Variants in CCL26 observed in about 807,000 individuals in gnomAD.
CCL26 encodes the protein C-C motif chemokine ligand 26.
A neutral mutation model predicts 10.7 loss-of-function variants in CCL26; 10 were observed. That is an observed-to-expected ratio of 0.93 (90% CI 0.57 to 1.58). The LOEUF (loss-of-function observed/expected upper bound fraction) is 1.58. CCL26 is among the 40% of genes most tolerant of loss of function. The pLI is 0.00. For missense variants in CCL26, 116 were observed against 111.0 expected (o/e 1.05, Z -0.20); for synonymous variants, 43 against 41.4 (o/e 1.04, Z -0.15).
At chr7:75,774,671 C>T (rs1318283821), upstream of CCL26, among the ~76,000 whole-genome samples, 1 of 152,028 alleles carries the variant, frequency 6.6e-6, no homozygotes, top group Non-Finnish European at 1.5e-5. Flanking sequence ...GTCTCGAATT[C>T]CTGACCTCAA....
At chr7:75,770,018 C>T (rs1484351554) in intron 2 of CCL26, among the ~76,000 whole-genome samples, 1 of 151,998 alleles carries the variant, frequency 6.6e-6, no homozygotes, top group Admixed American at 6.6e-5. Flanking sequence ...TACCATTTAC[C>T]GTTTTCCACC....
chr7:75,770,233 C>T (rs929763358), intron 2 of CCL26, among the ~76,000 whole-genome samples: 6 of 151,874 alleles, frequency 4.0e-5, no homozygotes, highest in Non-Finnish European at 5.9e-5. Flanking sequence ...GCACACCCAG[C>T]GAATTTCTGT....
At chr7:75,780,936 C>G (rs1277989810) in intron 1 of CCL26, among the ~76,000 whole-genome samples, 3 of 152,176 alleles carry the variant, frequency 2.0e-5, no homozygotes, top group African/African-American at 7.2e-5. Flanking sequence ...ACCTGCCCAG[C>G]AATTTCCTCT....
chr7:75,772,239 TGA>T, upstream of CCL26: 4 of 1,178,236 alleles, frequency 3.4e-6, no homozygotes, highest in Non-Finnish European at 4.9e-6. Context: ...TCCCCTTTTA[TGA>T]GACTGAGACG....
chr7:75,771,987 G>A lies in CCL26; in HGVS notation c.90C>T (p.Ser30=). The stretch of plus-strand genomic sequence containing the variant: ...GGCTGTATTGGAAGCAGCAGGTCTT[G>A]GATATGTCACTCCCACCTAAAAATC... The part of the protein sequence containing the change: ...LGTATRGSDI[S]KTCCFQYSHK... Residue 30 remains serine, a synonymous_variant, in exon 2 of 3, where the codon TCC becomes TCT. Transcript: ENST00000005180. The A allele has an allele frequency of 6.2e-7, 1 of 1,613,768 alleles. No individual in the cohort carries two copies. Among genetic ancestry groups the A allele is most frequent in the Non-Finnish European group, 8.5e-7 (1 of 1,179,638 alleles).
upstream of CCL26, among the ~76,000 whole-genome samples, chr7:75,791,354 C>A (rs138627244): frequency 2.0e-5 from 3 of 152,132 alleles, no homozygotes; most frequent in Admixed American, 2.0e-4. Flanking sequence ...GTGTCCGAGG[C>A]CCCCTCAGTC....
upstream of CCL26, among the ~76,000 whole-genome samples, chr7:75,790,244 TCCCTCCC>T: frequency 7.7e-6 from 1 of 129,404 alleles, no homozygotes; most frequent in East Asian, 2.2e-4. Context: ...CCTTCCATCC[TCCCTCCC>T]TCCCTCCCTC....
Position 75,787,651 on chromosome 7 carries a change from C to CAAAAAAAAAAAAAAAAAAAAAAAA in CCL26, c.-79+2065_-79+2066insTTTTTTTTTTTTTTTTTTTTTTTT, listed in dbSNP as rs55770109. Reference sequence around the variant, plus strand: ...CAGAGTGAGACTCCGTCTCCAAAAGCAAAAAAAAAAAAAAAAAAAAAAAGA... The same window carrying CAAAAAAAAAAAAAAAAAAAAAAAA: ...CAGAGTGAGACTCCGTCTCCAAAAGCAAAAAAAAAAAAAAAAAAAAAAAAAAAAAAAAAAAAAAAAAAAAAAAGA... On this transcript the variant is annotated intron_variant, in intron 1 of 3. Transcript: ENST00000394905. Among the ~76,000 whole-genome samples, 3 of 27,748 alleles carry CAAAAAAAAAAAAAAAAAAAAAAAA rather than the reference C, an allele frequency of 1.1e-4. 1 individual carries two copies. Among genetic ancestry groups the CAAAAAAAAAAAAAAAAAAAAAAAA allele is most frequent in the African/African-American group, 1.6e-4 (1 of 6,348 alleles). The allele number at this position is 27,748 out of a possible 152,430, so 18.2% of individuals were successfully genotyped here. A position where few individuals can be genotyped will look rare whatever the true frequency, so the allele number is the denominator to read the frequency against.
intron 2 of CCL26, among the ~76,000 whole-genome samples, chr7:75,771,552 CTAA>C (rs1467211965): frequency 1.3e-5 from 2 of 152,034 alleles, no homozygotes; most frequent in African/African-American, 4.8e-5. Flanking sequence ...TGAAATTCTA[CTAA>C]TAACACAAAA....
Position 75,779,010 on chromosome 7 carries a change from G to A in CCL26, c.-78-6756C>T, listed in dbSNP as rs183641284. On this transcript the variant is annotated intron_variant, in intron 1 of 3. Coordinates refer to the CCL26 transcript ENST00000394905. ...GTAACTGAAGAATCACAAAAGAAGTGAAAATGGCCTGTTCCTGCCTTAACT... is the reference window on the plus strand; with the variant it reads ...GTAACTGAAGAATCACAAAAGAAGTAAAAATGGCCTGTTCCTGCCTTAACT... Among the ~76,000 whole-genome samples the A allele has an allele frequency of 1.5e-3, 222 of 152,220 alleles. 1 individual carries two copies. In the East Asian group the frequency reaches 0.04, roughly 27 times the overall value.
intron 1 of CCL26, among the ~76,000 whole-genome samples, chr7:75,780,614 G>A (rs985902585): frequency 6.6e-6 from 1 of 152,090 alleles, no homozygotes; most frequent in South Asian, 2.1e-4. Flanking sequence ...TGAGGTGCCT[G>A]ACGTCCAGGC....
At chr7:75,777,281 C>G (rs1413478130) in intron 1 of CCL26, among the ~76,000 whole-genome samples, 2 of 152,078 alleles carry the variant, frequency 1.3e-5, no homozygotes, top group African/African-American at 2.4e-5. Context: ...AAGACACACA[C>G]TAGAATATTC....
chr7:75,789,248 G>T (rs902678838), intron 1 of CCL26, among the ~76,000 whole-genome samples: 1 of 151,522 alleles, frequency 6.6e-6, no homozygotes, highest in African/African-American at 2.4e-5. Context: ...CCTGGCCTGC[G>T]TACTTTTCTA....
chr7:75,783,132 T>G (rs560104557), intron 1 of CCL26, among the ~76,000 whole-genome samples: 170 of 152,260 alleles, frequency 1.1e-3, no homozygotes, highest in African/African-American at 3.9e-3. Flanking sequence ...ACATGTGCCT[T>G]TTTCTCTATC....
intron 1 of CCL26, among the ~76,000 whole-genome samples, chr7:75,783,209 T>C (rs1803104506): frequency 1.3e-5 from 2 of 152,182 alleles, no homozygotes; most frequent in South Asian, 4.1e-4. Flanking sequence ...TATACAGGAA[T>C]TCCGATATCT....
At chr7:75,788,191 C>T (rs782622111) in intron 1 of CCL26, among the ~76,000 whole-genome samples, 5 of 152,068 alleles carry the variant, frequency 3.3e-5, no homozygotes, top group Non-Finnish European at 4.4e-5. Context: ...CAAGCTAAGC[C>T]GTCGTATCCC....
At chr7:75,774,084 T>C (rs1388911294), upstream of CCL26, among the ~76,000 whole-genome samples, 1 of 152,190 alleles carries the variant, frequency 6.6e-6, no homozygotes, top group Non-Finnish European at 1.5e-5. Flanking sequence ...AGAGGATAGA[T>C]GGTGAGTTGC....
At chr7:75,787,623 C>T (rs1292734186) in intron 1 of CCL26, among the ~76,000 whole-genome samples, 22 of 116,608 alleles carry the variant, frequency 1.9e-4, no homozygotes, top group African/African-American at 6.9e-4. Flanking sequence ...CCAGCCTGGG[C>T]GACAGAGTGA....
At chr7:75,777,889 G>C (rs1802977883) in intron 1 of CCL26, among the ~76,000 whole-genome samples, 1 of 145,318 alleles carries the variant, frequency 6.9e-6, no homozygotes, top group South Asian at 2.2e-4. Context: ...GCACGATCTT[G>C]GCTCATTGCA....
Sources: allele counts gnomAD v4.1 joint callset (sites outside exome capture counted in the v4.1 genomes callset), GRCh38; gene constraint gnomAD v4.1.1; transcripts MANE v1.5; gene names NCBI Gene and HGNC (gene_info 2026-07-23, HGNC 2026-07-21).